The following ULK4 variants were observed in gnomAD, a reference collection of about 807,000 sequenced individuals.
ULK4 encodes inactive serine/threonine-protein kinase ULK4.
ULK4 carries 133 observed loss-of-function variants against 160.6 expected under a neutral mutation model. The observed-to-expected ratio is 0.83, with a 90% confidence interval of 0.72 to 0.96. The LOEUF is 0.96. Among genes scored for constraint, ULK4 ranks in the 40% least tolerant of loss-of-function variants. The pLI is 0.00. For synonymous variants in ULK4, 534 were observed against 539.8 expected (o/e 0.99, Z 0.15); for missense variants, 1,580 against 1,499.5 (o/e 1.05, Z -0.89).
intron 20 of ULK4, among the ~76,000 whole-genome samples, chr3:41,795,534 A>C (rs1393742453): frequency 6.6e-6 from 1 of 152,194 alleles, no homozygotes; most frequent in Non-Finnish European, 1.5e-5. Flanking sequence ...CCTAGATTTC[A>C]AGGAGTTTAA....
At chr3:41,526,074 C>T (rs774602830) in intron 32 of ULK4, among the ~76,000 whole-genome samples, 1 of 152,168 alleles carries the variant, frequency 6.6e-6, no homozygotes. Flanking sequence ...CCCCAGTTTG[C>T]TCCTTATCTC....
At chr3:41,479,978 C>G (rs993464712) in intron 32 of ULK4, among the ~76,000 whole-genome samples, 1 of 152,092 alleles carries the variant, frequency 6.6e-6, no homozygotes, top group Admixed American at 6.5e-5. Flanking sequence ...GAGGCCAAGG[C>G]AGGCGGATCG....
chr3:41,738,719 T>C (rs1352765727), intron 22 of ULK4, among the ~76,000 whole-genome samples: 1 of 151,950 alleles, frequency 6.6e-6, no homozygotes, highest in East Asian at 1.9e-4. Context: ...GCACCTTCTG[T>C]TGACTGTAAC....
chr3:41,490,493 A>G (rs961396467), intron 32 of ULK4, among the ~76,000 whole-genome samples: 1 of 152,074 alleles, frequency 6.6e-6, no homozygotes, highest in Non-Finnish European at 1.5e-5. Context: ...TGCTTCCCTC[A>G]AGGTACACAT....
intron 32 of ULK4, among the ~76,000 whole-genome samples, chr3:41,471,588 G>T (rs181953834): frequency 6.6e-6 from 1 of 152,128 alleles, no homozygotes; most frequent in Non-Finnish European, 1.5e-5. Flanking sequence ...TAGATTATAC[G>T]TGAGGACAAG....
intron 17 of ULK4, among the ~76,000 whole-genome samples, chr3:41,875,604 C>T (rs1399526522): frequency 6.6e-6 from 1 of 151,950 alleles, no homozygotes; most frequent in African/African-American, 2.4e-5. Flanking sequence ...CTGAACAACA[C>T]AATGAGACTG....
intron 27 of ULK4, among the ~76,000 whole-genome samples, chr3:41,700,193 C>T (rs982990031): frequency 6.6e-6 from 1 of 152,088 alleles, no homozygotes; most frequent in African/African-American, 2.4e-5. Flanking sequence ...GCTCTGAAAA[C>T]AGGGGGAGCT....
intron 32 of ULK4, among the ~76,000 whole-genome samples, chr3:41,516,951 C>T (rs998334904): frequency 8.5e-5 from 13 of 152,068 alleles, no homozygotes; most frequent in African/African-American, 3.1e-4. Context: ...AATATATACA[C>T]CTACTATGTA....
At chr3:41,323,676 C>CT (rs2080288873) in intron 35 of ULK4, among the ~76,000 whole-genome samples, 1 of 152,062 alleles carries the variant, frequency 6.6e-6, no homozygotes. Context: ...CCCGACCCCC[C>CT]TCCCAGTGTC....
chr3:41,466,794 A>T (rs980134891), intron 32 of ULK4, among the ~76,000 whole-genome samples: 2 of 152,152 alleles, frequency 1.3e-5, no homozygotes, highest in African/African-American at 2.4e-5. Flanking sequence ...GTGTGTGTAT[A>T]TGTGCATGTG....
chr3:41,536,009 C>G (rs977370524), intron 32 of ULK4, among the ~76,000 whole-genome samples: 1 of 152,176 alleles, frequency 6.6e-6, no homozygotes, highest in Non-Finnish European at 1.5e-5. Flanking sequence ...CTCAGATCAT[C>G]CCCCTCTTCC....
intron 30 of ULK4, among the ~76,000 whole-genome samples, chr3:41,645,251 C>A (rs1575521865): frequency 6.6e-6 from 1 of 151,516 alleles, no homozygotes; most frequent in African/African-American, 2.4e-5. Context: ...AATGTGTTTG[C>A]TCTTGCTTTT....
chr3:41,677,549 T>A (rs959359434), intron 29 of ULK4, among the ~76,000 whole-genome samples: 1 of 151,812 alleles, frequency 6.6e-6, no homozygotes, highest in Non-Finnish European at 1.5e-5. Context: ...GCCAGGATGG[T>A]CTCAATCTCC....
chr3:41,938,130 T>C lies in ULK4; in HGVS notation c.206A>G (p.Asn69Ser). ...GAGTTCCACCACTAGCCAGAGGTGG[T>C]TGCTTGTTTCATACCATTCATGAAA... The part of the protein sequence containing the change: ...VTFHEWYETS[N>S]HLWLVVELCT... The change falls in exon 3 of 37, where the codon AAC (asparagine) becomes AGC (serine). Residue 69 changes from asparagine to serine, a missense_variant. Coordinates refer to ENST00000301831, the MANE Select transcript of ULK4 (RefSeq NM_017886.4). 2 of 1,613,544 alleles carry C rather than the reference T, an allele frequency of 1.2e-6. No individual in the cohort carries two copies. Among genetic ancestry groups the C allele is most frequent in the Non-Finnish European group, 1.7e-6 (2 of 1,179,700 alleles).
rs58972971 is a variant in ULK4, at chr3:41,270,035, T to TAC, written c.3679-20463_3679-20462dup. ...TATATATGTATCATATTAGGATACA[T>TAC]ACACACACACACAGCATAAACAGAC... On this transcript the variant is annotated intron_variant, in intron 35 of 36. Transcript: ENST00000301831. Among the ~76,000 whole-genome samples, 85 of 151,734 alleles carry TAC rather than the reference T, an allele frequency of 5.6e-4. 1 individual carries two copies. The highest frequency in any genetic ancestry group is 1.1e-3 in the Non-Finnish European group (76 of 67,894).
intron 35 of ULK4, among the ~76,000 whole-genome samples, chr3:41,369,361 G>A (rs1298800077): frequency 6.6e-6 from 1 of 152,082 alleles, no homozygotes. Flanking sequence ...AGGTGTGGTG[G>A]CACATGCCTG....
intron 34 of ULK4, among the ~76,000 whole-genome samples, chr3:41,410,113 G>A (rs1345616376): frequency 1.3e-5 from 2 of 152,108 alleles, no homozygotes; most frequent in Non-Finnish European, 2.9e-5. Context: ...TAATGGTGGA[G>A]GCACTCTGGA....
intron 34 of ULK4, among the ~76,000 whole-genome samples, chr3:41,445,997 G>T (rs907332672): frequency 7.8e-4 from 118 of 151,990 alleles, no homozygotes; most frequent in African/African-American, 2.8e-3. Flanking sequence ...CTAATATCAA[G>T]AATCTACAAT....
chr3:41,531,445 AGAGGG>A (rs1212516780), intron 32 of ULK4, among the ~76,000 whole-genome samples: 12 of 57,912 alleles, frequency 2.1e-4, no homozygotes, highest in African/African-American at 8.2e-4. Flanking sequence ...CGTCTCAAAA[AGAGGG>A]GAGGGGAGGG....
Sources: allele counts gnomAD v4.1 joint callset (sites outside exome capture counted in the v4.1 genomes callset), GRCh38; gene constraint gnomAD v4.1.1; transcripts MANE v1.5; gene names NCBI Gene and HGNC (gene_info 2026-07-23, HGNC 2026-07-21).